The following PUDP variants were observed in gnomAD, a reference collection of about 807,000 sequenced individuals.
The protein encoded by PUDP is pseudouridine 5'-phosphatase.
A neutral mutation model predicts 9.4 loss-of-function variants in PUDP; 8 were observed. That is an observed-to-expected ratio of 0.85 (90% CI 0.50 to 1.53). The LOEUF is 1.53. Ranked by LOEUF, PUDP falls within the 40% of genes most tolerant of loss-of-function variation. The probability of loss-of-function intolerance (pLI) is 0.00; values close to 1 mark genes in which losing one functional copy is unlikely to be tolerated. For synonymous variants in PUDP, 99 were observed against 80.7 expected (o/e 1.23, Z -1.22); for missense variants, 188 against 189.7 (o/e 0.99, Z 0.05).
At chrX:6,741,561 A>G (rs921616617) in intron 3 of PUDP, among the ~76,000 whole-genome samples, 1 of 111,363 alleles carries the variant, frequency 9.0e-6, no homozygotes, top group Admixed American at 9.5e-5. Context: ...TGGTGGATGA[A>G]TAGATAGGTA....
At chrX:6,976,624 C>T (rs1391518152) in intron 3 of PUDP, among the ~76,000 whole-genome samples, 1 of 111,994 alleles carries the variant, frequency 8.9e-6, no homozygotes, top group African/African-American at 3.2e-5. Flanking sequence ...CTGGGAGCTG[C>T]AGACTGGAGC....
intron 3 of PUDP, among the ~76,000 whole-genome samples, chrX:6,740,567 G>A (rs1924922948): frequency 9.0e-6 from 1 of 110,990 alleles, no homozygotes; most frequent in African/African-American, 3.3e-5. Flanking sequence ...CTGTTTTTGC[G>A]TGCCTGTCAG....
At chrX:6,908,978 A>G (rs1372333240) in intron 3 of PUDP, among the ~76,000 whole-genome samples, 1 of 111,202 alleles carries the variant, frequency 9.0e-6, no homozygotes, top group Non-Finnish European at 1.9e-5. Context: ...TCCATAGATG[A>G]GAGCTTGGGA....
At chrX:6,879,655 T>C (rs1169951905) in intron 3 of PUDP, among the ~76,000 whole-genome samples, 4 of 111,860 alleles carry the variant, frequency 3.6e-5, no homozygotes, top group African/African-American at 1.3e-4. Context: ...AGAACACTCA[T>C]GCACAGAGTA....
intron 2 of PUDP, among the ~76,000 whole-genome samples, chrX:7,095,324 G>T (rs1403913158): frequency 1.8e-4 from 20 of 112,238 alleles, no homozygotes; most frequent in African/African-American, 6.2e-4. Context: ...GCTTCTTAGC[G>T]GCGGCAGGAG....
chrX:7,017,971 A>C (rs1319846665), intron 1 of PUDP, among the ~76,000 whole-genome samples: 2 of 111,666 alleles, frequency 1.8e-5, no homozygotes, highest in African/African-American at 6.5e-5. Flanking sequence ...CAAAACCAAG[A>C]TGGCCACAAG....
chrX:6,831,870 T>A (rs1053301926), intron 3 of PUDP, among the ~76,000 whole-genome samples: 7 of 111,730 alleles, frequency 6.3e-5, no homozygotes, highest in Non-Finnish European at 5.6e-5. Flanking sequence ...CATAATCATA[T>A]GGCAAAAGAC....
intron 3 of PUDP, among the ~76,000 whole-genome samples, chrX:6,786,512 T>C (rs896335283): frequency 1.8e-5 from 2 of 112,536 alleles, no homozygotes; most frequent in Non-Finnish European, 3.8e-5. Flanking sequence ...ATCCCTCTTC[T>C]CTGCAATAGC....
rs201823586 is a variant in PUDP, at chrX:7,105,661, G to A, written c.239C>T (p.Thr80Met). Residue 80 changes from threonine to methionine, a missense_variant, in exon 2 of 4, where the codon ACG (threonine) becomes ATG (methionine). By Grantham distance (81) the Thr-to-Met change is moderately conservative. Coordinates refer to ENST00000381077, the MANE Select transcript of PUDP (RefSeq NM_012080.5). ...SKEELVEESQ[T>M]KLKEVFPTAA... Reference sequence around the variant, plus strand: ...CGTGGGGAACACTTCCTTTAACTTCGTTTGGCTTTCTTCCACCAGCTCCTC... The same window carrying A: ...CGTGGGGAACACTTCCTTTAACTTCATTTGGCTTTCTTCCACCAGCTCCTC... The A allele has an allele frequency of 8.3e-6, 10 of 1,209,819 alleles. No individual in the cohort carries two copies. The highest frequency in any genetic ancestry group is 2.5e-4 in the Middle Eastern group (1 of 3,993).
chrX:6,910,111 C>A (rs1424535066), intron 3 of PUDP, among the ~76,000 whole-genome samples: 1 of 111,883 alleles, frequency 8.9e-6, no homozygotes, highest in East Asian at 2.8e-4. Flanking sequence ...GTTGTACTCA[C>A]CTTCCCTTCC....
chrX:6,833,338 T>C (rs778278067), intron 3 of PUDP, among the ~76,000 whole-genome samples: 2 of 110,486 alleles, frequency 1.8e-5, no homozygotes, highest in Admixed American at 1.9e-4. Flanking sequence ...AGTAGGTGGA[T>C]AGATGGGAAG....
intron 3 of PUDP, among the ~76,000 whole-genome samples, chrX:6,839,012 G>A (rs1327306128): frequency 1.8e-5 from 2 of 111,775 alleles, no homozygotes; most frequent in Non-Finnish European, 3.8e-5. Context: ...AAGTCTTTCT[G>A]ACAAATTGGT....
At chrX:7,136,233 G>A (rs1299028067) in intron 1 of PUDP, among the ~76,000 whole-genome samples, 2 of 111,879 alleles carry the variant, frequency 1.8e-5, no homozygotes, top group African/African-American at 3.3e-5. Context: ...GGTCCAGATG[G>A]ATTCAGGTTA....
intron 3 of PUDP, among the ~76,000 whole-genome samples, chrX:6,809,300 T>C (rs1051349406): frequency 1.8e-5 from 2 of 109,756 alleles, no homozygotes; most frequent in Non-Finnish European, 3.8e-5. Context: ...ATCAATATGC[T>C]TTTTAAAAAT....
At chrX:7,027,403 G>T (rs760832647) in intron 1 of PUDP, among the ~76,000 whole-genome samples, 1 of 109,900 alleles carries the variant, frequency 9.1e-6, no homozygotes, top group Non-Finnish European at 1.9e-5. Flanking sequence ...TGATTTTTCT[G>T]AGCTTATCCT....
At chrX:7,093,208 T>C (rs1407075194) in intron 2 of PUDP, among the ~76,000 whole-genome samples, 1 of 111,199 alleles carries the variant, frequency 9.0e-6, no homozygotes, top group Non-Finnish European at 1.9e-5. Flanking sequence ...TTTCTGCCTC[T>C]ATGGATTTGA....
chrX:7,120,369 C>T (rs192364866), intron 1 of PUDP, among the ~76,000 whole-genome samples: 9 of 110,677 alleles, frequency 8.1e-5, no homozygotes, highest in Middle Eastern at 4.6e-3. Flanking sequence ...TAGTCAGAGC[C>T]CAGGAATGGC....
At chrX:7,033,440 C>A (rs779084960) in intron 1 of PUDP, among the ~76,000 whole-genome samples, 58 of 112,521 alleles carry the variant, frequency 5.2e-4, no homozygotes, top group Non-Finnish European at 9.7e-4. Context: ...TAAATATCTT[C>A]TCAACCTCCA....
At chrX:6,754,175 G>C (rs1925141604) in intron 3 of PUDP, among the ~76,000 whole-genome samples, 1 of 111,637 alleles carries the variant, frequency 9.0e-6, no homozygotes, top group Non-Finnish European at 1.9e-5. Context: ...ACCCAAAGGA[G>C]GTAATTGAAT....
Sources: allele counts gnomAD v4.1 joint callset (sites outside exome capture counted in the v4.1 genomes callset), GRCh38; gene constraint gnomAD v4.1.1; transcripts MANE v1.5; gene names NCBI Gene and HGNC (gene_info 2026-07-23, HGNC 2026-07-21).